ZNF248: variants seen among roughly 807,000 people sequenced by gnomAD.
ZNF248 encodes the protein zinc finger protein 248.
In ZNF248, 20 loss-of-function variants were observed where a neutral mutation model predicts 44.3. That is an observed-to-expected ratio of 0.45 (90% CI 0.32 to 0.66). The LOEUF is 0.66. Ranked by LOEUF, ZNF248 falls within the 30% of genes least tolerant of loss-of-function variation. ZNF248 has a pLI of 0.04. For missense variants in ZNF248, 654 were observed against 677.0 expected (o/e 0.97, Z 0.38); for synonymous variants, 224 against 229.0 (o/e 0.98, Z 0.20).
intron 6 of ZNF248, among the ~76,000 whole-genome samples, chr10:37,787,314 T>A (rs1379607945): frequency 1.3e-5 from 2 of 151,448 alleles, no homozygotes; most frequent in East Asian, 1.9e-4. Context: ...GTAAAATACA[T>A]AAATAAATAA....
At chr10:37,766,021 G>C in the ZNF248 span, among the ~76,000 whole-genome samples, 1 of 152,268 alleles carries the variant, frequency 6.6e-6, no homozygotes, top group African/African-American at 2.4e-5. Flanking sequence ...TAGCACAGCA[G>C]TCTGAGATCA....
rs1358181007 is a variant in ZNF248, at chr10:37,833,136, C to G, written c.239-20G>C. The G allele has an allele frequency of 1.3e-6, 2 of 1,561,532 alleles. No individual in the cohort carries two copies. The highest frequency in any genetic ancestry group is 2.0e-5 in the Admixed American group (1 of 49,672). On this transcript the variant is annotated intron_variant, in intron 5 of 5. Transcript: ENST00000395867. Reference sequence around the variant, plus strand: ...TCCTTTCTAGAAATGAGAAAAATAACCACATCTTATGAACCTTAATACATT... The same window carrying G: ...TCCTTTCTAGAAATGAGAAAAATAAGCACATCTTATGAACCTTAATACATT...
chr10:37,782,539 C>T lies in ZNF248; in HGVS notation c.331-5964G>A, dbSNP rs1018666513. 2.0e-5 allele frequency among the ~76,000 whole-genome samples: 3 copies of T among 151,934 alleles called. 1 individual carries two copies. Among genetic ancestry groups the T allele is most frequent in the African/African-American group, 7.3e-5 (3 of 41,326 alleles). On this transcript the variant is annotated intron_variant, in intron 6 of 6. Transcript: ENST00000615949. ...CATGTTCAAGTCCTAACACACGGTA[C>T]CTGTGAATGTAACTTTATTTGGAAA... is the stretch of plus-strand genomic sequence containing the variant.
intron 5 of ZNF248, among the ~76,000 whole-genome samples, chr10:37,834,192 A>C (rs182631124): frequency 2.0e-5 from 3 of 152,308 alleles, no homozygotes; most frequent in Non-Finnish European, 4.4e-5. Context: ...AAAAATCTCT[A>C]TAACATCTCT....
chr10:37,833,382 G>A lies in ZNF248; in HGVS notation c.239-266C>T, dbSNP rs146187146. ...TAACCTTCAAAACTGAAAAGAAAAG[G>A]TGAAATAAAATTCACAGCACAGGGA... On this transcript the variant is annotated intron_variant, in intron 5 of 5. Transcript: ENST00000395867. Among the ~76,000 whole-genome samples the A allele has an allele frequency of 1.7e-3, 255 of 152,204 alleles. 2 individuals are homozygous for A. Among genetic ancestry groups the A allele is most frequent in the Non-Finnish European group, 3.1e-3 (211 of 67,986 alleles).
chr10:37,805,894 T>G (rs1377071763), intron 6 of ZNF248, among the ~76,000 whole-genome samples: 1 of 152,180 alleles, frequency 6.6e-6, no homozygotes, highest in Non-Finnish European at 1.5e-5. Flanking sequence ...AGTATTCAGA[T>G]TCTTGCATTT....
rs151219309 is a variant in ZNF248 at position 37,846,285 on chromosome 10, A to C, written c.16-8174T>G. Among the ~76,000 whole-genome samples, 13 of 152,318 alleles carry C rather than the reference A, an allele frequency of 8.5e-5. No homozygotes were observed. In the East Asian group the frequency reaches 1.7e-3, roughly 20 times the overall value. On this transcript the variant is annotated intron_variant, in intron 3 of 5. Transcript: ENST00000395867. ...TAGAATTCGAATTTCACCATTTTGC[A>C]ATCTTTAATGAATTACTAAATTTAG...
At chr10:37,834,874 G>A (rs192122591) in intron 5 of ZNF248, among the ~76,000 whole-genome samples, 28 of 152,220 alleles carry the variant, frequency 1.8e-4, no homozygotes, top group Admixed American at 3.3e-4. Flanking sequence ...AGAATAGGAC[G>A]GGATTTGACA....
chr10:37,830,213 T>C lies in ZNF248; in HGVS notation c.*1402A>G. The C allele has an allele frequency of 1.0e-6, 1 of 985,384 alleles. No individual in the cohort carries two copies. Among genetic ancestry groups the C allele is most frequent in the Non-Finnish European group, 1.2e-6 (1 of 829,912 alleles). 61.0% of individuals were successfully genotyped at this position (985,384 alleles called of 1,614,324 possible). On this transcript the variant is annotated 3_prime_UTR_variant, in exon 6 of 6. Transcript: ENST00000395867. ...TGCTTGTTAACCTTTGCATAATTTATGTAAAAACCATTCTTATTAACAACA... is the reference window on the plus strand; with the variant it reads ...TGCTTGTTAACCTTTGCATAATTTACGTAAAAACCATTCTTATTAACAACA...
chr10:37,811,531 T>C (rs909808044), intron 6 of ZNF248, among the ~76,000 whole-genome samples: 1 of 151,950 alleles, frequency 6.6e-6, no homozygotes, highest in Non-Finnish European at 1.5e-5. Context: ...TTTAGAAAGA[T>C]GTTTGGCTTT....
chr10:37,807,282 GCAC>G (rs61602849), intron 6 of ZNF248, among the ~76,000 whole-genome samples: 19,526 of 151,990 alleles, frequency 0.13, 1,335 homozygotes, highest in Admixed American at 0.19. Context: ...CTTTATAGCA[GCAC>G]CACACTATTA....
the ZNF248 span, among the ~76,000 whole-genome samples, chr10:37,762,787 C>A: frequency 5.3e-5 from 8 of 152,216 alleles, no homozygotes; most frequent in South Asian, 1.7e-3. Flanking sequence ...GTAGACATTT[C>A]AAGATATTGA....
chr10:37,793,177 C>CA (rs1433264613), intron 6 of ZNF248, among the ~76,000 whole-genome samples: 1 of 151,342 alleles, frequency 6.6e-6, no homozygotes, highest in African/African-American at 2.4e-5. Context: ...ACTAAAAATA[C>CA]AAAAAAAATT....
intron 3 of ZNF248, among the ~76,000 whole-genome samples, chr10:37,850,370 T>C (rs2134691560): frequency 6.6e-6 from 1 of 152,346 alleles, no homozygotes; most frequent in East Asian, 1.9e-4. Context: ...AAAAATATCT[T>C]ACCCTTAAAA....
chr10:37,777,907 T>A (rs1346186672), intron 6 of ZNF248, among the ~76,000 whole-genome samples: 3 of 152,098 alleles, frequency 2.0e-5, no homozygotes, highest in Admixed American at 2.0e-4. Context: ...GGTGTATATG[T>A]GCCACATTTT....
At chr10:37,846,410 T>C (rs1039990479) in intron 3 of ZNF248, among the ~76,000 whole-genome samples, 1 of 151,906 alleles carries the variant, frequency 6.6e-6, no homozygotes, top group South Asian at 2.1e-4. Context: ...AAAATGGGAG[T>C]ATTGCCTGGG....
At position 37,813,019 on chromosome 10, in the gene ZNF248, C is replaced by CAAAA. The variant is rs1269928346; in HGVS notation, c.330+20002_330+20005dup. On this transcript the variant is annotated intron_variant, in intron 6 of 6. Coordinates refer to the ZNF248 transcript ENST00000615949. ...ATCATAAAAGAGATCGTGGATATGG[C>CAAAA]AAAAAGAAAAAAAAAAAAAAAGGTG... Among the ~76,000 whole-genome samples the CAAAA allele has an allele frequency of 7.1e-4, 83 of 117,122 alleles. 2 individuals carry two copies. The highest frequency in any genetic ancestry group is 1.1e-3 in the Non-Finnish European group (62 of 56,874). The allele number at this position is 117,122 out of a possible 152,430, so 76.8% of individuals were successfully genotyped here. A position where few individuals can be genotyped will look rare whatever the true frequency, so the allele number is the denominator to read the frequency against.
At chr10:37,820,156 T>A in intron 6 of ZNF248, 1 of 1,152,700 alleles carries the variant, frequency 8.7e-7, no homozygotes, top group Non-Finnish European at 1.3e-6. Context: ...TCTTCCCTCC[T>A]TCTTAAGTCA....
chr10:37,803,041 CT>C (rs2050023061), intron 6 of ZNF248: 1 of 152,242 alleles, frequency 6.6e-6, no homozygotes, highest in Non-Finnish European at 1.5e-5. Context: ...CCAAGCTGGT[CT>C]TGAATTCCTG....
Sources: gnomAD v4.1 joint callset for allele counts (sites outside exome capture counted in the v4.1 genomes callset) on GRCh38, gnomAD v4.1.1 for gene constraint, MANE v1.5 for transcripts, NCBI Gene and HGNC (gene_info 2026-07-23, HGNC 2026-07-21) for gene names.